BEND7: variants seen among roughly 807,000 people sequenced by gnomAD.
The protein encoded by BEND7 is BEN domain-containing protein 7.
Under a neutral mutation model 50.9 loss-of-function variants are expected in BEND7, and 28 were observed. The observed-to-expected ratio is 0.55, with a 90% CI of 0.41 to 0.75. BEND7 has a LOEUF of 0.75. BEND7 is among the 30% of genes least tolerant of loss of function. The pLI, the probability that BEND7 is intolerant of heterozygous loss-of-function variation, is 0.00. For synonymous variants in BEND7, 170 were observed against 183.9 expected (o/e 0.92, Z 0.61); for missense variants, 477 against 491.3 (o/e 0.97, Z 0.28).
intron 6 of BEND7, among the ~76,000 whole-genome samples, chr10:13,473,097 T>C (rs2075051686): frequency 6.6e-6 from 1 of 151,850 alleles, no homozygotes; most frequent in South Asian, 2.1e-4. Flanking sequence ...CCATCATCGT[T>C]GTTAGATTTG....
At chr10:13,470,930 G>A (rs2074758150) in intron 6 of BEND7, among the ~76,000 whole-genome samples, 1 of 152,184 alleles carries the variant, frequency 6.6e-6, no homozygotes, top group Non-Finnish European at 1.5e-5. Context: ...AGTTCTGGAG[G>A]CAAAAGGCTT....
intron 2 of BEND7, among the ~76,000 whole-genome samples, chr10:13,516,135 T>C (rs1410104392): frequency 6.6e-6 from 1 of 152,246 alleles, no homozygotes; most frequent in Non-Finnish European, 1.5e-5. Flanking sequence ...CACCAAGGAA[T>C]ACTACAGTAG....
chr10:13,451,057 G>A (rs575988871), intron 7 of BEND7, among the ~76,000 whole-genome samples: 3 of 152,114 alleles, frequency 2.0e-5, no homozygotes, highest in African/African-American at 7.2e-5. Flanking sequence ...ACTAAGGTGT[G>A]TTTATGTCTA....
intron 6 of BEND7, among the ~76,000 whole-genome samples, chr10:13,474,902 T>C (rs2075316116): frequency 6.6e-6 from 1 of 152,256 alleles, no homozygotes. Context: ...GTAGGGCTGC[T>C]GCTCCAAGGG....
At chr10:13,448,972 CAAAA>C (rs35336154) in intron 7 of BEND7, among the ~76,000 whole-genome samples, 2 of 56,658 alleles carry the variant, frequency 3.5e-5, no homozygotes. Flanking sequence ...GACTCCATCT[CAAAA>C]AAAAAAAAAA....
At chr10:13,487,607 A>T (rs1372485843) in intron 5 of BEND7, among the ~76,000 whole-genome samples, 1 of 152,000 alleles carries the variant, frequency 6.6e-6, no homozygotes, top group African/African-American at 2.4e-5. Flanking sequence ...GCTGGTCTCG[A>T]ACTCCTGATC....
intron 6 of BEND7, among the ~76,000 whole-genome samples, chr10:13,474,835 T>C (rs2075311292): frequency 6.6e-6 from 1 of 152,268 alleles, no homozygotes; most frequent in African/African-American, 2.4e-5. Flanking sequence ...ATACTCATCA[T>C]TGCTGTTAAA....
At chr10:13,471,559 G>C (rs565766343) in intron 6 of BEND7, among the ~76,000 whole-genome samples, 3 of 152,394 alleles carry the variant, frequency 2.0e-5, no homozygotes, top group South Asian at 2.1e-4. Flanking sequence ...ATCTGTGCTA[G>C]AGTCTGGAAA....
At chr10:13,474,638 C>A (rs948299532) in intron 6 of BEND7, among the ~76,000 whole-genome samples, 5 of 151,652 alleles carry the variant, frequency 3.3e-5, no homozygotes, top group Non-Finnish European at 5.9e-5. Flanking sequence ...CTGTTGGACT[C>A]GGGTCGATAC....
rs771560506 is a variant in BEND7, at chr10:13,496,750, G to A, written c.571+16C>T. ...TTAAAAATCAAAGGACTCATTCCGA[G>A]GCCTGATCCTTGTACCTGCTTGAAT... On this transcript the variant is annotated intron_variant, in intron 4 of 8. Transcript: ENST00000466271. 2 of 1,609,342 alleles carry A rather than the reference G, an allele frequency of 1.2e-6. No individual in the cohort carries two copies. The highest frequency in any genetic ancestry group is 1.3e-5 in the African/African-American group (1 of 74,756).
In BEND7 at chr10:13,480,883, A is replaced by G. The variant is rs762878066; in HGVS notation, c.1063+16T>C. 3 of 1,613,258 alleles carry G rather than the reference A, an allele frequency of 1.9e-6. No homozygotes were observed. The South Asian group carries it at 3.3e-5, about 18-fold the overall frequency. ...GCTCAACGAAGAACCCACAAAATGA[A>G]ATGATGCAGACCAACCTTTTATTGC... is the stretch of plus-strand genomic sequence containing the variant. On this transcript the variant is annotated intron_variant, in intron 6 of 8. Transcript: ENST00000466271.
intron 7 of BEND7, among the ~76,000 whole-genome samples, chr10:13,447,580 G>A (rs980827104): frequency 5.4e-5 from 6 of 110,306 alleles, no homozygotes; most frequent in Admixed American, 2.9e-4. Context: ...GTCTCGCTCT[G>A]TCGCCCAGGC....
intron 6 of BEND7, among the ~76,000 whole-genome samples, chr10:13,463,132 T>G (rs1346220567): frequency 6.6e-6 from 1 of 152,246 alleles, no homozygotes; most frequent in Non-Finnish European, 1.5e-5. Flanking sequence ...CCATTTATGC[T>G]GGAGATTGCA....
chr10:13,483,957 G>T (rs992500069), intron 5 of BEND7, among the ~76,000 whole-genome samples: 4 of 152,286 alleles, frequency 2.6e-5, no homozygotes, highest in South Asian at 4.1e-4. Flanking sequence ...TAACAACTAA[G>T]TATCTGGAAG....
At position 13,451,688 on chromosome 10, in the gene BEND7, C is replaced by T. The variant is rs534457936; in HGVS notation, c.1183+851G>A. 1.3e-4 allele frequency among the ~76,000 whole-genome samples: 19 copies of T among 151,770 alleles called. No individual in the cohort carries two copies. In the East Asian group the frequency reaches 2.7e-3, roughly 22 times the overall value. ...GGTTTGTTACATATATATACATGTG[C>T]CATGTTGGTGTGCTGCACCCATTAA... On this transcript the variant is annotated intron_variant, in intron 7 of 8. Coordinates refer to ENST00000466271, the MANE Select transcript of BEND7 (RefSeq NM_001369863.1).
At chr10:13,499,670 G>A in intron 3 of BEND7, 108 bp downstream of exon 3, 2 of 1,283,538 alleles carry the variant, frequency 1.6e-6, no homozygotes, top group East Asian at 2.4e-5. Flanking sequence ...AGCAAAGGCA[G>A]GTAATTATGG....
intron 8 of BEND7, chr10:13,443,169 T>C (rs1835593274): frequency 6.6e-6 from 1 of 152,556 alleles, no homozygotes; most frequent in Non-Finnish European, 1.5e-5. Flanking sequence ...TATACCAGAT[T>C]GGAGGCTTGG....
chr10:13,482,424 G>A (rs184362693), intron 5 of BEND7, among the ~76,000 whole-genome samples: 36 of 152,274 alleles, frequency 2.4e-4, no homozygotes, highest in African/African-American at 8.2e-4. Flanking sequence ...TGCAAAACTG[G>A]CCCTGCTTTG....
chr10:13,479,403 A>G (rs1439833604), intron 6 of BEND7, among the ~76,000 whole-genome samples: 1 of 152,108 alleles, frequency 6.6e-6, no homozygotes, highest in Non-Finnish European at 1.5e-5. Flanking sequence ...CTATTTCTTT[A>G]CTATCTATTA....
Sources: allele counts gnomAD v4.1 joint callset (sites outside exome capture counted in the v4.1 genomes callset), GRCh38; gene constraint gnomAD v4.1.1; transcripts MANE v1.5; gene names NCBI Gene and HGNC (gene_info 2026-07-23, HGNC 2026-07-21).